MS4A2: variants seen among roughly 807,000 people sequenced by gnomAD.
The protein encoded by MS4A2 is high affinity immunoglobulin epsilon receptor subunit beta.
In MS4A2, 26 loss-of-function variants were observed where a neutral mutation model predicts 27.9. That is an observed-to-expected ratio of 0.93 (90% CI 0.68 to 1.29). The LOEUF is 1.29. Ranked by LOEUF, MS4A2 falls within the 50% of genes most tolerant of loss-of-function variation. The pLI is 0.00. For missense variants in MS4A2, 284 were observed against 284.6 expected (o/e 1.00, Z 0.01); for synonymous variants, 110 against 98.8 (o/e 1.11, Z -0.67).
At position 60,097,447 on chromosome 11, in the gene MS4A2, G is replaced by A. The variant is rs766181327; in HGVS notation, c.*1791G>A. 10 of 152,218 alleles carry A rather than the reference G, an allele frequency of 6.6e-5. No individual in the cohort carries two copies. Among genetic ancestry groups the A allele is most frequent in the Non-Finnish European group, 1.5e-4 (10 of 68,042 alleles). The allele number at this position is 152,218 out of a possible 1,614,324, so 9.4% of individuals were successfully genotyped here. ...AGGTGCTGAGAAATTCCACACATGA[G>A]TATTGTGATGAGTAAATGAATAAAA... On this transcript the variant is annotated 3_prime_UTR_variant, in exon 7 of 7. Transcript: ENST00000278888.
chr11:60,090,224 GACAGTCTAGGAC>G (rs1288082348), intron 2 of MS4A2, 100 bp from the exon 3 acceptor site: 51 of 1,084,248 alleles, frequency 4.7e-5, no homozygotes, highest in Non-Finnish European at 7.1e-5. Flanking sequence ...CATTTCTCAG[GACAGTCTAGGAC>G]ACTAACGCAG....
At chr11:60,088,918 G>T (rs1272785477) in intron 1 of MS4A2, 97 bp downstream of exon 1, 1 of 1,212,110 alleles carries the variant, frequency 8.3e-7, no homozygotes, top group East Asian at 2.5e-5. Context: ...ATTGATTTAG[G>T]CATGGATCCA....
Position 60,094,066 on chromosome 11 carries a change from G to T in MS4A2, c.636+4G>T. ...GGAAGAACTCAAAGGAAACAAGGTA[G>T]ATAGAAGCCCGATATAAAATCTTGA... On this transcript the variant is annotated splice_donor_region_variant and intron_variant, in intron 6 of 6. Coordinates refer to ENST00000278888, the MANE Select transcript of MS4A2 (RefSeq NM_000139.5). The T allele has an allele frequency of 1.3e-6, 2 of 1,592,512 alleles. No homozygotes were observed. The highest frequency in any genetic ancestry group is 1.7e-6 in the Non-Finnish European group (2 of 1,160,440).
upstream of MS4A2, chr11:60,088,523 A>G (rs1157953954): frequency 2.7e-6 from 3 of 1,097,662 alleles, no homozygotes; most frequent in African/African-American, 4.8e-5. Flanking sequence ...AAATTTTCTT[A>G]TTTCATATTA....
In MS4A2 at chr11:60,095,675, A is replaced by C; in HGVS notation, c.*19A>C. Reference sequence around the variant, plus strand: ...TTTATAAGAATCACGTGTCCAGAACACTCTGATTCACAGCCAAGGATCCAG... The same window carrying C: ...TTTATAAGAATCACGTGTCCAGAACCCTCTGATTCACAGCCAAGGATCCAG... On this transcript the variant is annotated 3_prime_UTR_variant, in exon 7 of 7. Coordinates refer to ENST00000278888, the MANE Select transcript of MS4A2 (RefSeq NM_000139.5). 6.6e-7 allele frequency: 1 copy of C among 1,521,684 alleles called. No individual in the cohort carries two copies. Among genetic ancestry groups the C allele is most frequent in the Non-Finnish European group, 9.1e-7 (1 of 1,096,162 alleles). The allele number at this position is 1,521,684 out of a possible 1,614,324, so 94.3% of individuals were successfully genotyped here. A position where few individuals can be genotyped will look rare whatever the true frequency, so the allele number is the denominator to read the frequency against.
Position 60,093,514 on chromosome 11 carries a change from C to T in MS4A2, c.493C>T (p.Gln165Ter). 6.2e-7 allele frequency: 1 copy of T among 1,614,150 alleles called. No individual in the cohort carries two copies. The highest frequency in any genetic ancestry group is 8.5e-7 in the Non-Finnish European group (1 of 1,180,028). The change falls in exon 5 of 7, where the codon CAG becomes TAG. Residue 165 changes from glutamine (Q) to a stop codon, truncating the protein, a stop_gained. Coordinates refer to ENST00000278888, the MANE Select transcript of MS4A2 (RefSeq NM_000139.5). LOFTEE classifies it high-confidence loss of function. ...GGCCTATATCCACATCCACAGTTGC[C>T]AGAAATTTTTTGAGACCAAGTGCTT... ...SLAYIHIHSC[Q>*]KFFETKCFMA...
chr11:60,091,830 T>C (rs544390663), intron 3 of MS4A2, among the ~76,000 whole-genome samples: 41 of 152,356 alleles, frequency 2.7e-4, no homozygotes, highest in African/African-American at 9.6e-4. Context: ...AACTTGTCTC[T>C]ACTGTCTTTT....
At chr11:60,090,607 A>AAT in intron 3 of MS4A2, 137 bp downstream of exon 3, 1 of 752,468 alleles carries the variant, frequency 1.3e-6, no homozygotes, top group Non-Finnish European at 2.1e-6. Context: ...GTGAGCATAT[A>AAT]TAACATAGAT....
Position 60,090,336 on chromosome 11 carries a change from G to A in MS4A2, c.187G>A (p.Val63Ile), listed in dbSNP as rs1450433308. 6.2e-7 allele frequency: 1 copy of A among 1,612,388 alleles called. No individual in the cohort carries two copies. The highest frequency in any genetic ancestry group is 1.3e-5 in the African/African-American group (1 of 74,986). Residue 63 changes from valine to isoleucine, a missense_variant and splice_region_variant, in exon 3 of 7, where the codon GTA (valine) becomes ATA (isoleucine). By Grantham distance (29) the Val-to-Ile change is conservative. Coordinates refer to ENST00000278888, the MANE Select transcript of MS4A2 (RefSeq NM_000139.5). ...ATGAAATTCATGTGTTTTTCTATAG[G>A]TAACACAAATTCTGACTGCTATGAT... is the stretch of plus-strand genomic sequence containing the variant. ...VLKKEQEFLG[V>I]TQILTAMICL...
intron 5 of MS4A2, 82 bp downstream of exon 5, chr11:60,093,640 C>T: frequency 1.3e-6 from 2 of 1,537,196 alleles, no homozygotes; most frequent in Non-Finnish European, 1.8e-6. Context: ...GTTCCATGAA[C>T]ACCATCCTTT....
chr11:60,095,384 A>C (rs965395996), intron 6 of MS4A2, among the ~76,000 whole-genome samples, 174 bp from the exon 7 acceptor site: 7 of 152,248 alleles, frequency 4.6e-5, no homozygotes, highest in African/African-American at 1.7e-4. Context: ...TTTTGGGCCC[A>C]CTTGGCCAGC....
Position 60,098,084 on chromosome 11 carries a change from C to G in MS4A2, c.*2428C>G, listed in dbSNP as rs933520056. On this transcript the variant is annotated 3_prime_UTR_variant, in exon 7 of 7. Transcript: ENST00000278888. ...AGTATATGATATCTCTTTTATTTCA[C>G]TCAATTTATATTTTCATCATTGACT... The G allele has an allele frequency of 2.0e-5, 3 of 152,170 alleles. No homozygotes were observed. The highest frequency in any genetic ancestry group is 4.4e-5 in the Non-Finnish European group (3 of 68,038). 9.4% of individuals were successfully genotyped at this position (152,170 alleles called of 1,614,324 possible).
At chr11:60,090,544 T>A in intron 3 of MS4A2, 74 bp downstream of exon 3, 1 of 1,391,370 alleles carries the variant, frequency 7.2e-7, no homozygotes, top group Non-Finnish European at 1.0e-6. Flanking sequence ...TCTAACCAGT[T>A]GTTTATTCCC....
intron 6 of MS4A2, among the ~76,000 whole-genome samples, chr11:60,095,195 G>C (rs1222082309): frequency 6.6e-6 from 1 of 152,188 alleles, no homozygotes; most frequent in Non-Finnish European, 1.5e-5. Context: ...CCGGGAGGCG[G>C]AAGTTGCAGT....
intron 3 of MS4A2, 121 bp from the exon 4 acceptor site, chr11:60,092,671 A>G (rs1855786587): frequency 2.5e-6 from 2 of 797,778 alleles, no homozygotes; most frequent in Admixed American, 4.3e-5. Flanking sequence ...CTCACAGGTG[A>G]CATTAATAAG....
intron 3 of MS4A2, among the ~76,000 whole-genome samples, chr11:60,090,894 G>A (rs1026335575): frequency 2.0e-5 from 3 of 152,180 alleles, no homozygotes; most frequent in African/African-American, 4.8e-5. Context: ...GCTCACACCC[G>A]TAATCCCAGC....
At chr11:60,092,899 A>G (rs1590632769) in intron 4 of MS4A2, 51 bp downstream of exon 4, 3 of 1,518,448 alleles carry the variant, frequency 2.0e-6, no homozygotes, top group South Asian at 1.1e-5. Flanking sequence ...TAAGAAGAAC[A>G]GAGTTTTAAG....
At chr11:60,095,477 G>A (rs1855852804) in intron 6 of MS4A2, 81 bp from the exon 7 acceptor site, 7 of 844,212 alleles carry the variant, frequency 8.3e-6, no homozygotes, top group Admixed American at 3.6e-5. Context: ...GACAAAAGTA[G>A]ATGAGGTAAG....
chr11:60,094,223 T>G (rs1855826841), intron 6 of MS4A2, among the ~76,000 whole-genome samples, 161 bp downstream of exon 6: 1 of 152,246 alleles, frequency 6.6e-6, no homozygotes, highest in Admixed American at 6.5e-5. Flanking sequence ...AAATCACATT[T>G]TATACCCATA....
Sources: gnomAD v4.1 joint callset for allele counts (sites outside exome capture counted in the v4.1 genomes callset) on GRCh38, gnomAD v4.1.1 for gene constraint, MANE v1.5 for transcripts, NCBI Gene and HGNC (gene_info 2026-07-23, HGNC 2026-07-21) for gene names.